LVRN: variants seen among roughly 807,000 people sequenced by gnomAD.
The protein encoded by LVRN is aminopeptidase Q.
A neutral mutation model predicts 111.4 loss-of-function variants in LVRN; 99 were observed. That is an observed-to-expected ratio of 0.89 (90% CI 0.76 to 1.05). LVRN has a LOEUF of 1.05. LVRN is among the 50% of genes least tolerant of loss of function. LVRN has a pLI of 0.00. For missense variants in LVRN, 1,414 were observed against 1,206.8 expected (o/e 1.17, Z -2.54); for synonymous variants, 488 against 449.5 (o/e 1.09, Z -1.08).
chr5:115,963,135 G>T lies in LVRN; in HGVS notation c.518G>T (p.Arg173Leu), dbSNP rs1412233207. Residue 173 changes from arginine to leucine, a missense_variant, in exon 1 of 20, where the codon CGC becomes CTC. Coordinates refer to ENST00000357872, the MANE Select transcript of LVRN (RefSeq NM_173800.5). ...GGCACTGGGAACGCCACAGTGGGCC[G>T]CGTGCCCGTGGACGACGTGTGGTTC... ...SPGTGNATVG[R>L]VPVDDVWFAL... 6.2e-7 allele frequency: 1 copy of T among 1,613,380 alleles called. No homozygotes were observed. Among genetic ancestry groups the T allele is most frequent in the East Asian group, 2.2e-5 (1 of 44,864 alleles).
intron 12 of LVRN, among the ~76,000 whole-genome samples, chr5:116,003,588 T>TG (rs1561564885): frequency 7.3e-5 from 1 of 13,650 alleles, no homozygotes; most frequent in Non-Finnish European, 1.5e-4. Context: ...GTTTTTTTTG[T>TG]TTTTTTTTTT....
At chr5:116,008,350 T>A (rs1041316611) in intron 13 of LVRN, among the ~76,000 whole-genome samples, 6 of 151,786 alleles carry the variant, frequency 4.0e-5, no homozygotes, top group African/African-American at 9.7e-5. Context: ...TCTAAAAAAA[T>A]AATAATAATA....
chr5:115,999,717 T>C, intron 6 of LVRN, 45 bp from the exon 7 acceptor site: 1 of 1,597,696 alleles, frequency 6.3e-7, no homozygotes, highest in African/African-American at 1.4e-5. Context: ...TTTGGTCTTC[T>C]GTGACACCTC....
Position 116,018,959 on chromosome 5 carries a change from C to T in LVRN, c.2756+3194C>T, listed in dbSNP as rs539001833. 2.6e-5 allele frequency among the ~76,000 whole-genome samples: 4 copies of T among 152,186 alleles called. No individual in the cohort carries two copies. The South Asian group carries it at 8.4e-4, about 32-fold the overall frequency. ...CACAACCTCCCCCTCTATCAACATC[C>T]TGCATCAGAGCCACACATTTACAGT... On this transcript the variant is annotated intron_variant, in intron 18 of 19. Coordinates refer to ENST00000357872, the MANE Select transcript of LVRN (RefSeq NM_173800.5).
chr5:116,016,155 C>G (rs1467401162), intron 18 of LVRN, among the ~76,000 whole-genome samples: 4 of 152,070 alleles, frequency 2.6e-5, no homozygotes, highest in Non-Finnish European at 4.4e-5. Flanking sequence ...AGTTTATATT[C>G]AGCAGTTTTG....
intron 6 of LVRN, among the ~76,000 whole-genome samples, chr5:115,995,160 T>G (rs901079135): frequency 6.6e-6 from 1 of 152,124 alleles, no homozygotes; most frequent in Admixed American, 6.6e-5. Context: ...TAAGATGATA[T>G]TCGTCCTATT....
chr5:116,005,420 G>A (rs893881802), intron 12 of LVRN, among the ~76,000 whole-genome samples: 9 of 152,154 alleles, frequency 5.9e-5, no homozygotes, highest in African/African-American at 2.2e-4. Flanking sequence ...GGATGTAAAG[G>A]GATCTGTTGG....
chr5:116,000,117 T>C (rs766156544), intron 7 of LVRN, among the ~76,000 whole-genome samples: 1 of 152,254 alleles, frequency 6.6e-6, no homozygotes, highest in Non-Finnish European at 1.5e-5. Context: ...CCATCAACCA[T>C]AGACTTTAAC....
At chr5:115,985,433 C>T (rs748085732) in intron 3 of LVRN, among the ~76,000 whole-genome samples, 3 of 152,030 alleles carry the variant, frequency 2.0e-5, no homozygotes, top group Non-Finnish European at 2.9e-5. Flanking sequence ...ATACGTGCCC[C>T]GGAAGGAATT....
At chr5:116,018,267 A>T (rs1041443602) in intron 18 of LVRN, among the ~76,000 whole-genome samples, 1 of 152,210 alleles carries the variant, frequency 6.6e-6, no homozygotes, top group African/African-American at 2.4e-5. Context: ...CCTGGCTCTG[A>T]TTCCCGGTTC....
Position 116,015,398 on chromosome 5 carries a change from A to AAG in LVRN, c.2599_2600dup (p.Asp867GlufsTer26). 1 of 1,601,968 alleles carries AAG rather than the reference A, an allele frequency of 6.2e-7. No homozygotes were observed. The highest frequency in any genetic ancestry group is 8.5e-7 in the Non-Finnish European group (1 of 1,175,868). On this transcript the variant is annotated frameshift_variant, in exon 17 of 20. Transcript: ENST00000357872. LOFTEE classifies it high-confidence loss of function. The stretch of plus-strand genomic sequence containing the variant: ...CTTGCTTATGCAATGAGCTGCAGCA[A>AAG]AGACCCATGGATACTTAACAGGTGA...
At chr5:115,997,887 T>G (rs986156851) in intron 6 of LVRN, among the ~76,000 whole-genome samples, 1 of 152,190 alleles carries the variant, frequency 6.6e-6, no homozygotes, top group Non-Finnish European at 1.5e-5. Context: ...GAAAGACCTC[T>G]AGGGTGTTGA....
rs1214490178 is a variant in LVRN, at chr5:115,972,892, G to C, written c.695+9580G>C. On this transcript the variant is annotated intron_variant, in intron 1 of 19. Coordinates refer to ENST00000357872, the MANE Select transcript of LVRN (RefSeq NM_173800.5). ...TTTTATTATTTAATTTGTTAATATG[G>C]TAAATTACATTGATTTTCTAATGAT... is the stretch of plus-strand genomic sequence containing the variant. 2.0e-5 allele frequency among the ~76,000 whole-genome samples: 3 copies of C among 151,286 alleles called. No homozygotes were observed. In the South Asian group the frequency reaches 6.3e-4, roughly 32 times the overall value.
intron 15 of LVRN, among the ~76,000 whole-genome samples, chr5:116,013,991 T>A (rs947658255): frequency 6.6e-6 from 1 of 152,184 alleles, no homozygotes; most frequent in African/African-American, 2.4e-5. Flanking sequence ...AATGAACTAT[T>A]CCCTTTCCCT....
At chr5:115,963,391 C>G (rs746834145) in intron 1 of LVRN, 79 bp downstream of exon 1, 1 of 1,208,180 alleles carries the variant, frequency 8.3e-7, no homozygotes, top group African/African-American at 1.5e-5. Context: ...AGCTGACTAC[C>G]GTGTCCAGGT....
At position 115,983,383 on chromosome 5, in the gene LVRN, G is replaced by A. The variant is rs1294722287; in HGVS notation, c.792G>A (p.Met264Ile). ...PALKATFNIT[M>I]IHHPSYVALS... ...TGAAGGCAACTTTTAATATTACAAT[G>A]ATTCATCATCCAAGTTATGTGGCCC... The change falls in exon 2 of 20, where the codon ATG becomes ATA. Residue 264 changes from methionine to isoleucine, a missense_variant. Transcript: ENST00000357872. 1.2e-6 allele frequency: 2 copies of A among 1,610,430 alleles called. No individual in the cohort carries two copies. The highest frequency in any genetic ancestry group is 2.7e-5 in the African/African-American group (2 of 74,764).
intron 1 of LVRN, among the ~76,000 whole-genome samples, chr5:115,979,900 T>C (rs1753526211): frequency 6.6e-6 from 1 of 152,198 alleles, no homozygotes; most frequent in African/African-American, 2.4e-5. Context: ...TGAAATAGCT[T>C]ACTGAGTGGA....
chr5:115,964,039 A>G (rs113826571), intron 1 of LVRN, among the ~76,000 whole-genome samples: 3,261 of 152,316 alleles, frequency 0.021, 122 homozygotes, highest in African/African-American at 0.074. Context: ...TTTTACACTC[A>G]TTTGAGATAA....
At chr5:116,012,349 A>G in intron 14 of LVRN, 25 bp from the exon 15 acceptor site, 3 of 1,240,026 alleles carry the variant, frequency 2.4e-6, no homozygotes, top group Non-Finnish European at 2.3e-6. Flanking sequence ...CAGAACTAAC[A>G]GTGTATTTTC....
Sources: allele counts gnomAD v4.1 joint callset (sites outside exome capture counted in the v4.1 genomes callset), GRCh38; gene constraint gnomAD v4.1.1; transcripts MANE v1.5; gene names NCBI Gene and HGNC (gene_info 2026-07-23, HGNC 2026-07-21).